Variants in IPO13 observed in about 807,000 individuals in gnomAD.
IPO13 encodes the protein importin 13, also known as importin-13.
IPO13 carries 28 observed loss-of-function variants against 115.5 expected under a neutral mutation model. The ratio of observed to expected loss-of-function variants is 0.24; its 90% CI spans 0.18 to 0.33. The LOEUF (loss-of-function observed/expected upper bound fraction) is 0.33. Among genes scored for constraint, IPO13 ranks in the 10% least tolerant of loss-of-function variants. The pLI is 1.00. For missense variants in IPO13, 785 were observed against 1,204.6 expected, an observed-to-expected ratio of 0.65 and a Z score of 5.16; for synonymous variants, 414 against 478.9, an observed-to-expected ratio of 0.86 and a Z score of 1.77.
Position 43,960,980 on chromosome 1 carries a change from C to G in IPO13, c.2214C>G (p.Ile738Met). The change falls in exon 13 of 20, where the codon ATC becomes ATG. Residue 738 changes from isoleucine to methionine, a missense_variant. Physicochemically the swap from Ile to Met is conservative, Grantham distance 10. Transcript: ENST00000372343. ...TGCTGGGTCGGATGTACAGCACCATCCCCCAGGCCTCTGCTCTTGACCTCA... is the reference window on the plus strand; with the variant it reads ...TGCTGGGTCGGATGTACAGCACCATGCCCCAGGCCTCTGCTCTTGACCTCA... ...CEMLGRMYSTIPQASALDLTR... is the reference protein window; with the variant it reads ...CEMLGRMYSTMPQASALDLTR... 6.2e-7 allele frequency: 1 copy of G among 1,614,208 alleles called. No homozygotes were observed. Among genetic ancestry groups the G allele is most frequent in the African/African-American group, 1.3e-5 (1 of 75,048 alleles).
At chr1:43,950,273 A>ATCTC in intron 2 of IPO13, 120 bp downstream of exon 2, 5 of 1,160,956 alleles carry the variant, frequency 4.3e-6, no homozygotes, top group Non-Finnish European at 5.9e-6. Context: ...TGCTGGAGAT[A>ATCTC]CAGCAAGGAA....
Position 43,956,968 on chromosome 1 carries a change from A to G in IPO13, c.1263A>G (p.Arg421=). Reference sequence around the variant, plus strand: ...CCTCAGACGAGAAGGAGCAGTTCCGAATTTACAGGTGATGGTAGCAGGCCA... The same window carrying G: ...CCTCAGACGAGAAGGAGCAGTTCCGGATTTACAGGTGATGGTAGCAGGCCA... ...FWSSDEKEQF[R]IYRVDISDTL... The change falls in exon 5 of 20, where the codon CGA becomes CGG. Residue 421 remains arginine (R), a synonymous_variant. Transcript: ENST00000372343. The surrounding 1 kb of genome is among the most constrained non-coding windows in gnomAD (Gnocchi z 4.7). 6.2e-7 allele frequency: 1 copy of G among 1,614,040 alleles called. No homozygotes were observed. Among genetic ancestry groups the G allele is most frequent in the Non-Finnish European group, 8.5e-7 (1 of 1,179,974 alleles).
At chr1:43,957,831 G>A (rs2154302263) in intron 7 of IPO13, 146 bp from the exon 8 acceptor site, 2 of 792,832 alleles carry the variant, frequency 2.5e-6, no homozygotes, top group East Asian at 2.5e-5. Flanking sequence ...GTTTGAGCAT[G>A]CACATGCATA....
chr1:43,959,755 A>C (rs567995629), intron 11 of IPO13, among the ~76,000 whole-genome samples: 45 of 152,246 alleles, frequency 3.0e-4, no homozygotes, highest in African/African-American at 1.1e-3. Flanking sequence ...TTTACATGGT[A>C]GTCATCATCC....
rs567723197 is a variant in IPO13, at chr1:43,967,634, A to G, written c.2844A>G (p.Thr948=). The change falls in exon 20 of 20, where the codon ACA becomes ACG. Residue 948 remains threonine, a synonymous_variant. Transcript: ENST00000372343. The surrounding 1 kb of genome is among the most constrained non-coding windows in gnomAD (Gnocchi z 6.1). ...RRVKEMVKEF[T]LLCRGLHGTD... The stretch of plus-strand genomic sequence containing the variant: ...TGAAGGAGATGGTGAAGGAGTTCAC[A>G]CTGCTGTGCCGGGGTCTCCATGGCA... 179 of 1,614,128 alleles carry G rather than the reference A, an allele frequency of 1.1e-4. 4 individuals carry two copies. The South Asian group carries it at 1.9e-3, about 17-fold the overall frequency.
intron 14 of IPO13, among the ~76,000 whole-genome samples, chr1:43,963,798 C>T (rs1360533431): frequency 6.6e-6 from 1 of 152,202 alleles, no homozygotes; most frequent in East Asian, 1.9e-4. Context: ...CTAGGGCCCT[C>T]AGATAAACCT....
intron 14 of IPO13, among the ~76,000 whole-genome samples, chr1:43,962,852 C>T (rs1456566299): frequency 6.6e-6 from 1 of 152,218 alleles, no homozygotes. Context: ...TAGACTTAAG[C>T]CCCTCAAGGG....
At chr1:43,951,909 A>G (rs1390841264) in intron 2 of IPO13, among the ~76,000 whole-genome samples, 1 of 152,212 alleles carries the variant, frequency 6.6e-6, no homozygotes, top group Non-Finnish European at 1.5e-5. Context: ...TTCCTCATCA[A>G]TAAAATGGGG....
chr1:43,961,046 C>G lies in IPO13; in HGVS notation c.2247+33C>G, dbSNP rs750627794. The stretch of plus-strand genomic sequence containing the variant: ...TTCTGGTTGGGGCAGAGATCCTGAC[C>G]CTGGGTGGGGGTGGGTCAGATGGCT... On this transcript the variant is annotated intron_variant, in intron 13 of 19. Transcript: ENST00000372343. 2.5e-6 allele frequency: 4 copies of G among 1,612,898 alleles called. No homozygotes were observed. The South Asian group carries it at 4.4e-5, about 18-fold the overall frequency.
chr1:43,951,227 C>T (rs1168259678), intron 2 of IPO13, among the ~76,000 whole-genome samples: 3 of 152,176 alleles, frequency 2.0e-5, no homozygotes, highest in South Asian at 4.1e-4. Flanking sequence ...GCTCTGGGAG[C>T]ACAGAGACAA....
In IPO13 at chr1:43,961,228, C is replaced by G. The variant is rs201723685; in HGVS notation, c.2310C>G (p.Leu770=). The G allele has an allele frequency of 2.5e-6, 4 of 1,613,986 alleles. No individual in the cohort carries two copies. The highest frequency in any genetic ancestry group is 3.4e-6 in the Non-Finnish European group (4 of 1,179,886). The change falls in exon 14 of 20, where the codon CTC becomes CTG. Residue 770 remains leucine, a synonymous_variant. Transcript: ENST00000372343. ...HFPPIEALFL[L]VTSVTLTLFQ... is the part of the protein sequence containing the mutation. The stretch of plus-strand genomic sequence containing the variant: ...CCCCAATTGAGGCCCTCTTCCTGCT[C>G]GTCACCTCCGTCACACTCACTCTCT...
Position 43,961,033 on chromosome 1 carries a change from C to T in IPO13, c.2247+20C>T. 3 of 1,613,650 alleles carry T rather than the reference C, an allele frequency of 1.9e-6. No homozygotes were observed. The highest frequency in any genetic ancestry group is 2.5e-6 in the Non-Finnish European group (3 of 1,179,628). ...CGACAGGTGGGCCTTCTGGTTGGGG[C>T]AGAGATCCTGACCCTGGGTGGGGGT... On this transcript the variant is annotated intron_variant, in intron 13 of 19. Transcript: ENST00000372343.
chr1:43,947,245 A>G lies in IPO13; in HGVS notation c.-356A>G. The G allele has an allele frequency of 2.5e-6, 1 of 399,028 alleles. No individual in the cohort carries two copies. Among genetic ancestry groups the G allele is most frequent in the Non-Finnish European group, 4.4e-6 (1 of 226,314 alleles). The allele number at this position is 399,028 out of a possible 1,614,324, so 24.7% of individuals were successfully genotyped here. ...AGGCCATCGACCCTGTGACCCCTCA[A>G]GAGCCAGGGACTCGGTTTCCCCCGC... On this transcript the variant is annotated 5_prime_UTR_variant, in exon 1 of 20. Transcript: ENST00000372343.
At chr1:43,950,905 A>G (rs1396658706) in intron 2 of IPO13, among the ~76,000 whole-genome samples, 1 of 152,160 alleles carries the variant, frequency 6.6e-6, no homozygotes, top group Admixed American at 6.5e-5. Context: ...TTTCCTTCTT[A>G]GCCCATAACA....
rs779873388 is a variant in IPO13, at chr1:43,950,169, C to T, written c.821+16C>T. The stretch of plus-strand genomic sequence containing the variant: ...ATGCCCAGAGGTGAGCTAGTACCCA[C>T]TCACCCAGAAGACAACCTCTTTGGC... On this transcript the variant is annotated intron_variant, in intron 2 of 19. Coordinates refer to ENST00000372343, the MANE Select transcript of IPO13 (RefSeq NM_014652.4). The T allele has an allele frequency of 2.5e-6, 4 of 1,584,842 alleles. No individual in the cohort carries two copies. In the South Asian group the frequency reaches 4.6e-5, roughly 18 times the overall value.
rs1410898283 is a variant in IPO13, at chr1:43,948,874, C to T, written c.85-543C>T. Among the ~76,000 whole-genome samples the T allele has an allele frequency of 3.3e-5, 5 of 152,238 alleles. No homozygotes were observed. The South Asian group carries it at 8.3e-4, about 25-fold the overall frequency. On this transcript the variant is annotated intron_variant, in intron 1 of 19. Transcript: ENST00000372343. ...TGAGGAGTGTTCTCACCCTCTCCTCCAGCATGTCTGCCCCAGGGCTGCCTG... is the reference window on the plus strand; with the variant it reads ...TGAGGAGTGTTCTCACCCTCTCCTCTAGCATGTCTGCCCCAGGGCTGCCTG...
intron 1 of IPO13, among the ~76,000 whole-genome samples, chr1:43,948,814 G>C (rs1181453267): frequency 6.6e-6 from 1 of 152,250 alleles, no homozygotes; most frequent in East Asian, 1.9e-4. Flanking sequence ...TATGGCCAAG[G>C]CTTCTCTGGA....
At position 43,952,341 on chromosome 1, in the gene IPO13, T is replaced by A. The variant is rs1389253957; in HGVS notation, c.821+2188T>A. On this transcript the variant is annotated intron_variant, in intron 2 of 19. Coordinates refer to ENST00000372343, the MANE Select transcript of IPO13 (RefSeq NM_014652.4). The surrounding 1 kb of genome is among the most constrained non-coding windows in gnomAD (Gnocchi z 4.7). ...TGCATCACCACGCCCAGCTAATTTT[T>A]GTATTTTTAGTAGAAACGGGGTTTT... is the stretch of plus-strand genomic sequence containing the variant. Among the ~76,000 whole-genome samples, 3 of 152,182 alleles carry A rather than the reference T, an allele frequency of 2.0e-5. No individual in the cohort carries two copies. Among genetic ancestry groups the A allele is most frequent in the Non-Finnish European group, 4.4e-5 (3 of 68,036 alleles).
intron 2 of IPO13, among the ~76,000 whole-genome samples, chr1:43,955,726 A>G (rs2085242597): frequency 6.6e-6 from 1 of 152,256 alleles, no homozygotes; most frequent in Non-Finnish European, 1.5e-5. Flanking sequence ...AAATAAGATC[A>G]CATTTTGAGG....
Sources: gnomAD v4.1 joint callset for allele counts (sites outside exome capture counted in the v4.1 genomes callset) on GRCh38, gnomAD v4.1.1 for gene constraint, Gnocchi (gnomAD v3.1) non-coding constraint, MANE v1.5 for transcripts, NCBI Gene and HGNC (gene_info 2026-07-23, HGNC 2026-07-21) for gene names.